The following GRID1 variants were observed in gnomAD, a reference collection of about 807,000 sequenced individuals.
The protein encoded by GRID1 is glutamate receptor ionotropic, delta-1.
Under a neutral mutation model 98.0 loss-of-function variants are expected in GRID1, and 28 were observed. The observed-to-expected ratio is 0.29, with a 90% CI of 0.21 to 0.39. The LOEUF is 0.39. GRID1 is among the 10% of genes least tolerant of loss of function. The pLI, the probability that GRID1 is intolerant of heterozygous loss-of-function variation, is 1.00. For synonymous variants in GRID1, 553 were observed against 538.5 expected (o/e 1.03, Z -0.37); for missense variants, 1,111 against 1,340.5 (o/e 0.83, Z 2.67).
chr10:86,140,209 T>G (rs892110462), intron 3 of GRID1, among the ~76,000 whole-genome samples: 1 of 152,118 alleles, frequency 6.6e-6, no homozygotes, highest in African/African-American at 2.4e-5. Flanking sequence ...CCACCTCCCA[T>G]AAGCAAGAGC....
At chr10:85,659,934 G>A (rs1420944999) in intron 12 of GRID1, among the ~76,000 whole-genome samples, 2 of 152,200 alleles carry the variant, frequency 1.3e-5, no homozygotes, top group African/African-American at 4.8e-5. Context: ...AGCTGTTGAT[G>A]CTAAGCTGTT....
At chr10:86,067,418 A>G (rs1306440319) in intron 4 of GRID1, among the ~76,000 whole-genome samples, 1 of 152,232 alleles carries the variant, frequency 6.6e-6, no homozygotes, top group African/African-American at 2.4e-5. Flanking sequence ...GGACTGCGTA[A>G]GTAAAGAGCG....
chr10:86,119,801 G>C (rs1844639396), intron 4 of GRID1, among the ~76,000 whole-genome samples: 1 of 151,734 alleles, frequency 6.6e-6, no homozygotes, highest in Non-Finnish European at 1.5e-5. Context: ...GTTTTTTTGG[G>C]TTTTTTTGAG....
intron 3 of GRID1, among the ~76,000 whole-genome samples, chr10:86,154,154 C>A (rs1845210415): frequency 6.6e-6 from 1 of 152,126 alleles, no homozygotes; most frequent in African/African-American, 2.4e-5. Flanking sequence ...CCTGCCCAGA[C>A]CAACACTGTC....
intron 1 of GRID1, 42 bp from the exon 2 acceptor site, chr10:86,364,138 C>T (rs1368139750): frequency 6.4e-7 from 1 of 1,574,676 alleles, no homozygotes; most frequent in Admixed American, 1.7e-5. Flanking sequence ...GGACAAGAAC[C>T]CTCTCCCCGC....
Position 85,727,945 on chromosome 10 carries a change from T to G in GRID1, c.1443A>C (p.Lys481Asn). Residue 481 changes from lysine (K) to asparagine (N), a missense_variant, in exon 10 of 16, where the codon AAA (lysine) becomes AAC (asparagine). Physicochemically the swap from Lys to Asn is moderately conservative, Grantham distance 94. Transcript: ENST00000327946. ...LDALAKALGFKYEIYQAPDGR... is the reference protein window; with the variant it reads ...LDALAKALGFNYEIYQAPDGR... ...CATCAGGGGCTTGGTAAATCTCATATTTAAAGCCCAGAGCCTTGGCCAGTG... is the reference window on the plus strand; with the variant it reads ...CATCAGGGGCTTGGTAAATCTCATAGTTAAAGCCCAGAGCCTTGGCCAGTG... 6.2e-7 allele frequency: 1 copy of G among 1,613,960 alleles called. No individual in the cohort carries two copies. The highest frequency in any genetic ancestry group is 1.1e-5 in the South Asian group (1 of 91,074).
chr10:86,096,584 T>C (rs1427079107), intron 4 of GRID1, among the ~76,000 whole-genome samples: 1 of 152,244 alleles, frequency 6.6e-6, no homozygotes, highest in Non-Finnish European at 1.5e-5. Flanking sequence ...CGTGGACTTA[T>C]CCTCTGTCAC....
intron 2 of GRID1, among the ~76,000 whole-genome samples, chr10:86,249,296 T>C (rs540041001): frequency 1.3e-5 from 2 of 152,290 alleles, no homozygotes; most frequent in South Asian, 4.1e-4. Context: ...GCTTGGCATT[T>C]GGCCACCCAC....
At chr10:86,222,850 G>A (rs1405429583) in intron 2 of GRID1, among the ~76,000 whole-genome samples, 2 of 152,170 alleles carry the variant, frequency 1.3e-5, no homozygotes, top group African/African-American at 4.8e-5. Context: ...CAAGCCACAA[G>A]GGCACTAGGG....
At chr10:86,242,171 C>A (rs55657932) in intron 2 of GRID1, among the ~76,000 whole-genome samples, 11,557 of 152,298 alleles carry the variant, frequency 0.076, 614 homozygotes, top group South Asian at 0.14. Flanking sequence ...GTTGCTAAAT[C>A]ATGAACTGAG....
intron 2 of GRID1, among the ~76,000 whole-genome samples, chr10:86,346,571 G>C (rs1009647765): frequency 4.6e-5 from 7 of 152,210 alleles, no homozygotes; most frequent in African/African-American, 1.7e-4. Context: ...GCCTCACAGT[G>C]CTAGGACTTC....
chr10:86,304,886 G>A (rs1247317991), intron 2 of GRID1, among the ~76,000 whole-genome samples: 1 of 152,104 alleles, frequency 6.6e-6, no homozygotes, highest in Non-Finnish European at 1.5e-5. Context: ...CTGGGTTAGA[G>A]CAGTACTTTA....
In GRID1 at chr10:85,738,498, A is replaced by G. The variant is rs77724608; in HGVS notation, c.1234-8884T>C. Among the ~76,000 whole-genome samples, 123 of 152,334 alleles carry G rather than the reference A, an allele frequency of 8.1e-4. 1 individual carries two copies. The East Asian group carries it at 0.023, about 28-fold the overall frequency. On this transcript the variant is annotated intron_variant, in intron 8 of 15. Coordinates refer to ENST00000327946, the MANE Select transcript of GRID1 (RefSeq NM_017551.3). The stretch of plus-strand genomic sequence containing the variant: ...AAGCCCAGCAATTCCACTCCTAGAC[A>G]TTACATAAGGGAGATGTAAACCGTG...
intron 8 of GRID1, among the ~76,000 whole-genome samples, chr10:85,803,957 C>T (rs1160133284): frequency 6.6e-6 from 1 of 151,388 alleles, no homozygotes; most frequent in Non-Finnish European, 1.5e-5. Context: ...GAAAGGTATA[C>T]AGTCACTAAC....
intron 13 of GRID1, among the ~76,000 whole-genome samples, chr10:85,638,910 C>T (rs1375053333): frequency 6.6e-6 from 1 of 152,112 alleles, no homozygotes; most frequent in Non-Finnish European, 1.5e-5. Flanking sequence ...AAATTGGCTG[C>T]AACCAAAAAT....
chr10:85,893,444 CTA>C (rs1277624773), intron 5 of GRID1, among the ~76,000 whole-genome samples: 5 of 152,070 alleles, frequency 3.3e-5, no homozygotes, highest in African/African-American at 1.2e-4. Flanking sequence ...GAATAGTTCA[CTA>C]TATTCAGGGA....
chr10:86,042,566 C>T (rs1217110866), intron 4 of GRID1, among the ~76,000 whole-genome samples: 1 of 152,168 alleles, frequency 6.6e-6, no homozygotes, highest in East Asian at 1.9e-4. Flanking sequence ...CTGGAAATAG[C>T]AGGGGGTATT....
At chr10:85,740,974 G>A (rs1283068386) in intron 8 of GRID1, among the ~76,000 whole-genome samples, 2 of 151,910 alleles carry the variant, frequency 1.3e-5, no homozygotes, top group Admixed American at 6.6e-5. Flanking sequence ...GGCTGTTCTC[G>A]AACTCCTGAC....
chr10:86,221,405 ACTC>A (rs1257592102), intron 2 of GRID1, among the ~76,000 whole-genome samples: 1 of 151,680 alleles, frequency 6.6e-6, no homozygotes, highest in Non-Finnish European at 1.5e-5. Context: ...CCCCCACAAA[ACTC>A]CTCAAGCACG....
Sources: gnomAD v4.1 joint callset for allele counts (sites outside exome capture counted in the v4.1 genomes callset) on GRCh38, gnomAD v4.1.1 for gene constraint, MANE v1.5 for transcripts, NCBI Gene and HGNC (gene_info 2026-07-23, HGNC 2026-07-21) for gene names.